The following AP3B1 variants were observed in gnomAD, a reference collection of about 807,000 sequenced individuals.
AP3B1 encodes the protein AP-3 complex subunit beta-1.
A neutral mutation model predicts 132.5 loss-of-function variants in AP3B1; 61 were observed. The ratio of observed to expected loss-of-function variants is 0.46; its 90% CI spans 0.37 to 0.57. AP3B1 has a LOEUF of 0.57. Among genes scored for constraint, AP3B1 ranks in the 20% least tolerant of loss-of-function variants. AP3B1 has a pLI of 0.00. For missense variants in AP3B1, 1,120 were observed against 1,289.4 expected (o/e 0.87, Z 2.01); for synonymous variants, 388 against 438.3 (o/e 0.89, Z 1.43).
intron 1 of AP3B1, among the ~76,000 whole-genome samples, chr5:78,289,879 A>G (rs1749438365): frequency 1.3e-5 from 2 of 152,150 alleles, no homozygotes. Flanking sequence ...TGATGTCTAA[A>G]TATCCATCTC....
chr5:78,170,046 G>A (rs1454608018), intron 11 of AP3B1, among the ~76,000 whole-genome samples: 1 of 152,050 alleles, frequency 6.6e-6, no homozygotes. Context: ...TGAGAATGAC[G>A]GTTGCCAGCT....
chr5:78,079,204 A>G (rs1192938247), intron 22 of AP3B1, among the ~76,000 whole-genome samples: 1 of 152,234 alleles, frequency 6.6e-6, no homozygotes, highest in Admixed American at 6.5e-5. Context: ...CATGGCTAAC[A>G]TAAGTTAACA....
chr5:78,276,342 G>A (rs575724534), intron 1 of AP3B1, among the ~76,000 whole-genome samples: 3 of 152,070 alleles, frequency 2.0e-5, no homozygotes, highest in African/African-American at 7.3e-5. Context: ...TGCTAGGATT[G>A]CAAGTGTGAG....
intron 22 of AP3B1, among the ~76,000 whole-genome samples, chr5:78,040,631 A>G (rs1013623834): frequency 2.6e-5 from 4 of 152,200 alleles, no homozygotes; most frequent in Admixed American, 6.5e-5. Flanking sequence ...TCCATTCAAA[A>G]TATCAGTATT....
intron 15 of AP3B1, among the ~76,000 whole-genome samples, chr5:78,137,309 T>G (rs780195983): frequency 6.6e-6 from 1 of 152,124 alleles, no homozygotes; most frequent in Non-Finnish European, 1.5e-5. Flanking sequence ...TTCCTAGCTG[T>G]GTTTCTCTGA....
intron 1 of AP3B1, among the ~76,000 whole-genome samples, chr5:78,287,227 T>C (rs984295286): frequency 6.6e-5 from 10 of 152,186 alleles, no homozygotes; most frequent in African/African-American, 2.2e-4. Context: ...GGCTTGAAAT[T>C]TAATTTTCAG....
At chr5:78,022,129 T>G (rs1157382141) in intron 24 of AP3B1, among the ~76,000 whole-genome samples, 3 of 152,244 alleles carry the variant, frequency 2.0e-5, no homozygotes, top group Non-Finnish European at 4.4e-5. Flanking sequence ...CTTATATTTT[T>G]TCCATATGTG....
At chr5:78,201,925 C>T (rs1745306321) in intron 7 of AP3B1, among the ~76,000 whole-genome samples, 1 of 152,042 alleles carries the variant, frequency 6.6e-6, no homozygotes, top group Admixed American at 6.6e-5. Context: ...CAAAAGCAGT[C>T]CTATATAAGC....
chr5:78,291,661 A>C (rs1414434967), intron 1 of AP3B1, among the ~76,000 whole-genome samples: 1 of 152,186 alleles, frequency 6.6e-6, no homozygotes, highest in East Asian at 1.9e-4. Flanking sequence ...TGCAATCCTT[A>C]GATATGTCAA....
chr5:78,141,433 A>G (rs1340238884), intron 14 of AP3B1, 114 bp from the exon 15 acceptor site: 1 of 752,550 alleles, frequency 1.3e-6, no homozygotes, highest in Non-Finnish European at 2.1e-6. Flanking sequence ...AATTTAATGT[A>G]TATCTAGGAA....
intron 7 of AP3B1, among the ~76,000 whole-genome samples, chr5:78,183,472 T>C (rs933041925): frequency 6.6e-6 from 1 of 152,084 alleles, no homozygotes; most frequent in African/African-American, 2.4e-5. Flanking sequence ...AATAGAGATA[T>C]TGGAATGATC....
intron 24 of AP3B1, among the ~76,000 whole-genome samples, chr5:78,022,817 A>G (rs556230502): frequency 1.3e-5 from 2 of 152,144 alleles, no homozygotes; most frequent in East Asian, 3.8e-4. Context: ...ATTTTTTTTA[A>G]GGATTTACTG....
chr5:78,207,991 C>T (rs1745579427), intron 7 of AP3B1, among the ~76,000 whole-genome samples: 1 of 152,126 alleles, frequency 6.6e-6, no homozygotes, highest in South Asian at 2.1e-4. Context: ...AAAATTTTAT[C>T]TCCCATCTAC....
intron 24 of AP3B1, among the ~76,000 whole-genome samples, chr5:78,028,680 G>A (rs1045081415): frequency 1.2e-4 from 18 of 152,276 alleles, no homozygotes; most frequent in African/African-American, 4.3e-4. Context: ...AACTACAACT[G>A]ATGTCCATCT....
At chr5:78,213,860 TTTTC>T (rs1745852721) in intron 7 of AP3B1, among the ~76,000 whole-genome samples, 1 of 152,204 alleles carries the variant, frequency 6.6e-6, no homozygotes, top group Non-Finnish European at 1.5e-5. Context: ...TTTAAAGTGG[TTTTC>T]TTTCTATCTG....
intron 2 of AP3B1, among the ~76,000 whole-genome samples, chr5:78,246,669 C>G (rs1747391630): frequency 6.6e-6 from 1 of 152,120 alleles, no homozygotes; most frequent in Non-Finnish European, 1.5e-5. Flanking sequence ...CCTTAAATGT[C>G]AACAGGGTCT....
At chr5:78,179,177 C>T (rs889268623) in intron 8 of AP3B1, among the ~76,000 whole-genome samples, 1 of 152,056 alleles carries the variant, frequency 6.6e-6, no homozygotes, top group Admixed American at 6.5e-5. Context: ...AAAATATTAA[C>T]GCATATACCT....
chr5:78,080,616 G>C (rs1243184237), intron 22 of AP3B1, among the ~76,000 whole-genome samples: 1 of 132,976 alleles, frequency 7.5e-6, no homozygotes, highest in Non-Finnish European at 1.6e-5. Flanking sequence ...CACTGGGTAT[G>C]CCTCCAATTT....
At chr5:78,134,633 C>G (rs1752832438) in intron 15 of AP3B1, among the ~76,000 whole-genome samples, 1 of 152,140 alleles carries the variant, frequency 6.6e-6, no homozygotes. Flanking sequence ...CTCTGCCAAC[C>G]AGGTTCAAGT....
Sources: gnomAD v4.1 joint callset for allele counts (sites outside exome capture counted in the v4.1 genomes callset) on GRCh38, gnomAD v4.1.1 for gene constraint, MANE v1.5 for transcripts, NCBI Gene and HGNC (gene_info 2026-07-23, HGNC 2026-07-21) for gene names.